The following WNT5B variants were observed in gnomAD, a reference collection of about 807,000 sequenced individuals.
WNT5B encodes the protein protein Wnt-5b.
In WNT5B, 18 loss-of-function variants were observed where a neutral mutation model predicts 36.5. The observed-to-expected ratio is 0.49, with a 90% CI of 0.34 to 0.73. WNT5B has a LOEUF of 0.73. Among genes scored for constraint, WNT5B ranks in the 30% least tolerant of loss-of-function variants. The pLI is 0.01. For synonymous variants in WNT5B, 213 were observed against 212.3 expected, an observed-to-expected ratio of 1.00 and a Z score of -0.03; for missense variants, 424 against 508.4, an observed-to-expected ratio of 0.83 and a Z score of 1.60.
rs1165098089 is a variant in WNT5B, at chr12:1,630,157, G to T, written c.-58+786G>T. The T allele has an allele frequency of 5.1e-6, 5 of 985,440 alleles. No individual in the cohort carries two copies. The East Asian group carries it at 4.6e-4, about 90-fold the overall frequency. 61.0% of individuals were successfully genotyped at this position (985,440 alleles called of 1,614,324 possible). On this transcript the variant is annotated intron_variant, in intron 1 of 4. Coordinates refer to ENST00000397196, the MANE Select transcript of WNT5B (RefSeq NM_032642.3). This position sits in a 1 kb window ranked among gnomAD's most constrained non-coding sequence, Gnocchi z 5.3. ...CCCGAAGCACCCGCCGCCCCCTCCC[G>T]GGGAGCCTGGGGACGCCGACGCGCG...
At chr12:1,635,242 C>T (rs2094558498) in intron 3 of WNT5B, among the ~76,000 whole-genome samples, 1 of 152,188 alleles carries the variant, frequency 6.6e-6, no homozygotes, top group African/African-American at 2.4e-5. Flanking sequence ...TGTCAGAGTA[C>T]AGAACGTCTG....
Position 1,630,039 on chromosome 12 carries a change from G to T in WNT5B, c.-58+668G>T. On this transcript the variant is annotated intron_variant, in intron 1 of 4. Coordinates refer to ENST00000397196, the MANE Select transcript of WNT5B (RefSeq NM_032642.3). The surrounding 1 kb of genome is among the most constrained non-coding windows in gnomAD (Gnocchi z 5.3). The stretch of plus-strand genomic sequence containing the variant: ...GAGAAGGAAAATCAAAAGGGGGCTT[G>T]GGGAAGGGCTGTGTCCCAGCTCTCC... 1 of 830,768 alleles carries T rather than the reference G, an allele frequency of 1.2e-6. No homozygotes were observed. The highest frequency in any genetic ancestry group is 1.5e-6 in the Non-Finnish European group (1 of 688,214). 51.5% of individuals were successfully genotyped at this position (830,768 alleles called of 1,614,324 possible). A position where few individuals can be genotyped will look rare whatever the true frequency, so the allele number is the denominator to read the frequency against.
rs115367547 is a variant in WNT5B, at chr12:1,618,626, T to G, written c.-58+1483T>G. 1.3e-5 allele frequency among the ~76,000 whole-genome samples: 2 copies of G among 152,322 alleles called. No homozygotes were observed. Among genetic ancestry groups the G allele is most frequent in the African/African-American group, 4.8e-5 (2 of 41,570 alleles). ...AGAGCATATTTTAAAACTATTTTAT[T>G]AGTATTCAGGAGAAGGGAACTTCCT... On this transcript the variant is annotated intron_variant, in intron 1 of 4. Coordinates refer to the WNT5B transcript ENST00000310594. The surrounding 1 kb of genome is among the most constrained non-coding windows in gnomAD (Gnocchi z 4.1).
rs735892 is a variant in WNT5B, at chr12:1,644,964, C to T, written c.622-830C>T. On this transcript the variant is annotated intron_variant, in intron 4 of 4. Coordinates refer to ENST00000397196, the MANE Select transcript of WNT5B (RefSeq NM_032642.3). The surrounding 1 kb of genome is among the most constrained non-coding windows in gnomAD (Gnocchi z 5.1). ...TGTTACTCCAGCTCTCCCAAGGGGG[C>T]GTCTGGGGGCTGCTCGGGAGGAAGA... 0.13 allele frequency: 20,363 copies of T among 152,232 alleles called. 2,006 individuals carry two copies. Among genetic ancestry groups the T allele is most frequent in the African/African-American group, 0.28 (11,488 of 41,462 alleles). 9.4% of individuals were successfully genotyped at this position (152,232 alleles called of 1,614,324 possible). A position where few individuals can be genotyped will look rare whatever the true frequency, so the allele number is the denominator to read the frequency against.
At chr12:1,623,384 ATG>A (rs2094536925) in intron 1 of WNT5B, among the ~76,000 whole-genome samples, 1 of 150,428 alleles carries the variant, frequency 6.6e-6, no homozygotes, top group African/African-American at 2.4e-5. Flanking sequence ...TTTAGTAGAG[ATG>A]AGGTTTCACC....
At chr12:1,620,349 G>C (rs2154439229) in intron 1 of WNT5B, among the ~76,000 whole-genome samples, 1 of 152,292 alleles carries the variant, frequency 6.6e-6, no homozygotes, top group East Asian at 1.9e-4. Flanking sequence ...ACTTTCTTGT[G>C]ACTTGCTTCT....
intron 4 of WNT5B, among the ~76,000 whole-genome samples, chr12:1,641,342 CA>C (rs2094574844): frequency 6.8e-6 from 1 of 147,030 alleles, no homozygotes; most frequent in African/African-American, 2.5e-5. Flanking sequence ...GCCTAGATCA[CA>C]CCATTGCACT....
chr12:1,639,760 G>C lies in WNT5B; in HGVS notation c.405G>C (p.Glu135Asp). ...VVNAISRACR[E>D]GELSTCGCSR... ...ACGCCATCAGCCGGGCCTGCCGCGA[G>C]GGCGAGCTCTCCACCTGCGGCTGCA... Residue 135 changes from glutamate (E) to aspartate (D), a missense_variant, in exon 4 of 5, where the codon GAG becomes GAC. Physicochemically the swap from Glu to Asp is conservative, Grantham distance 45. Coordinates refer to ENST00000397196, the MANE Select transcript of WNT5B (RefSeq NM_032642.3). 6.2e-7 allele frequency: 1 copy of C among 1,607,300 alleles called. No individual in the cohort carries two copies.
At chr12:1,637,807 A>T (rs2094564982) in intron 3 of WNT5B, among the ~76,000 whole-genome samples, 2 of 152,154 alleles carry the variant, frequency 1.3e-5, no homozygotes. Flanking sequence ...GTGTAATAAC[A>T]TTACATCTTA....
chr12:1,623,197 T>G (rs1840587931), intron 1 of WNT5B, among the ~76,000 whole-genome samples: 2 of 113,448 alleles, frequency 1.8e-5, no homozygotes. Flanking sequence ...GTTTTTTTTT[T>G]TTTTTTTTTT....
intron 3 of WNT5B, among the ~76,000 whole-genome samples, chr12:1,635,949 TG>T (rs1410938627): frequency 6.6e-6 from 1 of 152,206 alleles, no homozygotes; most frequent in Non-Finnish European, 1.5e-5. Context: ...AACTTCACTG[TG>T]TCATGCCCAG....
Position 1,632,423 on chromosome 12 carries a change from G to A in WNT5B, c.81-235G>A, listed in dbSNP as rs1299986670. Among the ~76,000 whole-genome samples the A allele has an allele frequency of 1.3e-5, 2 of 152,160 alleles. No homozygotes were observed. The highest frequency in any genetic ancestry group is 2.4e-5 in the African/African-American group (1 of 41,434). On this transcript the variant is annotated intron_variant, in intron 2 of 4. Transcript: ENST00000397196. This position sits in a 1 kb window ranked among gnomAD's most constrained non-coding sequence, Gnocchi z 5.8. ...CTATCTGATCACAGCAGATCCAGAA[G>A]CATATCCAGAGTCTGTCTGGGGCAT...
Position 1,639,854 on chromosome 12 carries a change from TACGGCTAC to T in WNT5B, c.500_507del (p.Tyr167SerfsTer42). 1 of 1,613,648 alleles carries T rather than the reference TACGGCTAC, an allele frequency of 6.2e-7. No individual in the cohort carries two copies. Among genetic ancestry groups the T allele is most frequent in the South Asian group, 1.1e-5 (1 of 91,076 alleles). Reference sequence around the variant, plus strand: ...GGGCGGCTGTGGGGACAACGTGGAGTACGGCTACCGCTTCGCCAAGGAGTTTGTGGATG... The same window carrying T: ...GGGCGGCTGTGGGGACAACGTGGAGTCGCTTCGCCAAGGAGTTTGTGGATG... On this transcript the variant is annotated frameshift_variant, in exon 4 of 5. Coordinates refer to ENST00000397196, the MANE Select transcript of WNT5B (RefSeq NM_032642.3). LOFTEE classifies it high-confidence loss of function.
rs773895251 is a variant in WNT5B at position 1,639,702 on chromosome 12, T to C, written c.347T>C (p.Phe116Ser). ...TCTGCAGGCAGCCGAGAGACCGCCTTCACCCACGCGGTGAGCGCCGCGGGC... is the reference window on the plus strand; with the variant it reads ...TCTGCAGGCAGCCGAGAGACCGCCTCCACCCACGCGGTGAGCGCCGCGGGC... ...VMQIGSRETA[F>S]THAVSAAGVV... Residue 116 changes from phenylalanine (F) to serine (S), a missense_variant, in exon 4 of 5, where the codon TTC (phenylalanine) becomes TCC (serine). Transcript: ENST00000397196. The C allele has an allele frequency of 1.1e-5, 17 of 1,575,104 alleles. No individual in the cohort carries two copies. The highest frequency in any genetic ancestry group is 6.9e-6 in the Non-Finnish European group (8 of 1,165,352).
intron 3 of WNT5B, among the ~76,000 whole-genome samples, chr12:1,638,163 G>A (rs1208865125): frequency 6.6e-6 from 1 of 152,096 alleles, no homozygotes; most frequent in Non-Finnish European, 1.5e-5. Flanking sequence ...GGAGAATGGC[G>A]TGAACCCGTG....
At chr12:1,634,944 G>A (rs2094557943) in intron 3 of WNT5B, among the ~76,000 whole-genome samples, 1 of 152,200 alleles carries the variant, frequency 6.6e-6, no homozygotes, top group African/African-American at 2.4e-5. Context: ...GCTCACGGCT[G>A]CTTTTTTTTA....
rs1180822330 is a variant in WNT5B, at chr12:1,632,637, C to T, written c.81-21C>T. 8 of 1,581,262 alleles carry T rather than the reference C, an allele frequency of 5.1e-6. No homozygotes were observed. In the East Asian group the frequency reaches 6.8e-5, roughly 13 times the overall value. On this transcript the variant is annotated intron_variant, in intron 2 of 4. Transcript: ENST00000397196. This position sits in a 1 kb window ranked among gnomAD's most constrained non-coding sequence, Gnocchi z 5.8. The stretch of plus-strand genomic sequence containing the variant: ...GCTCACTCCTGGGCCTTTTTTTCCC[C>T]TTTCTGGATTGCTGTCCTAGGTCAT...
chr12:1,631,306 A>C lies in WNT5B; in HGVS notation c.-49A>C. On this transcript the variant is annotated 5_prime_UTR_variant, in exon 2 of 5. Transcript: ENST00000397196. ...ATTTCTGTTTTCTCCAGGGAACCCT[A>C]CTCTGGAAACTGTCAGTCCCAGGGC... 6.2e-7 allele frequency: 1 copy of C among 1,609,690 alleles called. No homozygotes were observed. Among genetic ancestry groups the C allele is most frequent in the South Asian group, 1.1e-5 (1 of 90,854 alleles).
At chr12:1,626,666 G>A (rs964220840), upstream of WNT5B, among the ~76,000 whole-genome samples, 1 of 151,618 alleles carries the variant, frequency 6.6e-6, no homozygotes, top group East Asian at 1.9e-4. Context: ...CCAGGTTCAC[G>A]CCATTCTCCT....
Sources: gnomAD v4.1 joint callset for allele counts (sites outside exome capture counted in the v4.1 genomes callset) on GRCh38, gnomAD v4.1.1 for gene constraint, Gnocchi (gnomAD v3.1) non-coding constraint, MANE v1.5 for transcripts, NCBI Gene and HGNC (gene_info 2026-07-23, HGNC 2026-07-21) for gene names.